GALNTL5: variants seen among roughly 807,000 people sequenced by gnomAD.
The protein encoded by GALNTL5 is polypeptide N-acetylgalactosaminyltransferase like 5.
Under a neutral mutation model 51.0 loss-of-function variants are expected in GALNTL5, and 44 were observed. That is an observed-to-expected ratio of 0.86 (90% CI 0.68 to 1.11). The LOEUF is 1.11. GALNTL5 is among the 50% of genes least tolerant of loss of function. The pLI is 0.00. For missense variants in GALNTL5, 528 were observed against 531.8 expected (o/e 0.99, Z 0.07); for synonymous variants, 192 against 182.8 (o/e 1.05, Z -0.41).
Position 151,967,372 on chromosome 7 carries a change from T to G in GALNTL5, c.126T>G (p.Pro42=). ...VSSWQKKSQE[P]LSAWSPGKKV... is the part of the protein sequence containing the mutation. ...GCTGGCAGAAGAAAAGCCAGGAGCCTCTGTCAGCTTGGTCCCCTGGAAAAA... is the reference window on the plus strand; with the variant it reads ...GCTGGCAGAAGAAAAGCCAGGAGCCGCTGTCAGCTTGGTCCCCTGGAAAAA... The change falls in exon 2 of 9, where the codon CCT becomes CCG. Residue 42 remains proline (P), a synonymous_variant. Coordinates refer to ENST00000392800, the MANE Select transcript of GALNTL5 (RefSeq NM_145292.4). 3 of 1,614,162 alleles carry G rather than the reference T, an allele frequency of 1.9e-6. No homozygotes were observed. The highest frequency in any genetic ancestry group is 2.5e-6 in the Non-Finnish European group (3 of 1,180,014).
At chr7:151,977,166 C>T (rs1468791241) in intron 3 of GALNTL5, among the ~76,000 whole-genome samples, 1 of 151,944 alleles carries the variant, frequency 6.6e-6, no homozygotes, top group East Asian at 1.9e-4. Context: ...ATTTTTTAAA[C>T]CAATATTTCA....
intron 3 of GALNTL5, among the ~76,000 whole-genome samples, chr7:151,973,064 G>A (rs992368712): frequency 2.0e-5 from 3 of 152,164 alleles, no homozygotes; most frequent in Non-Finnish European, 2.9e-5. Context: ...ACCCTGCAGA[G>A]CCACAGAAGC....
intron 5 of GALNTL5, among the ~76,000 whole-genome samples, chr7:151,988,336 C>G (rs1156408617): frequency 1.3e-5 from 2 of 152,190 alleles, no homozygotes; most frequent in Admixed American, 6.5e-5. Flanking sequence ...TACGATCACG[C>G]CTCCTGCCGC....
At chr7:151,982,769 A>T (rs2081308777) in intron 3 of GALNTL5, 11 of 956,748 alleles carry the variant, frequency 1.1e-5, no homozygotes, top group Non-Finnish European at 1.6e-5. Context: ...TATTACTGAC[A>T]TTAAGAAGGG....
At chr7:151,959,779 G>A (rs1368097822) in intron 1 of GALNTL5, among the ~76,000 whole-genome samples, 1 of 152,184 alleles carries the variant, frequency 6.6e-6, no homozygotes, top group Non-Finnish European at 1.5e-5. Flanking sequence ...GTGGCCAGGA[G>A]GGTACTGGGG....
intron 7 of GALNTL5, 54 bp downstream of exon 7, chr7:152,007,998 C>T: frequency 1.1e-6 from 1 of 950,072 alleles, no homozygotes; most frequent in East Asian, 2.4e-5. Context: ...CTAACTTTGT[C>T]ACATACAATG....
At chr7:152,008,250 A>C (rs1175416245) in intron 7 of GALNTL5, among the ~76,000 whole-genome samples, 1 of 100,988 alleles carries the variant, frequency 9.9e-6, no homozygotes, top group Non-Finnish European at 2.0e-5. Context: ...CCCCATCTCT[A>C]CTTTTTTTTT....
At position 151,986,802 on chromosome 7, in the gene GALNTL5, A is replaced by ACTGCAACCTCTGCCTCC. The variant is rs2081364328; in HGVS notation, c.536-355_536-339dup. On this transcript the variant is annotated intron_variant, in intron 4 of 8. Coordinates refer to ENST00000392800, the MANE Select transcript of GALNTL5 (RefSeq NM_145292.4). The stretch of plus-strand genomic sequence containing the variant: ...GAGTGCAATGGGGCCATCTCGGCTC[A>ACTGCAACCTCTGCCTCC]CTGCAACCTCTGCCTCCCGGGTTCA... Among the ~76,000 whole-genome samples the ACTGCAACCTCTGCCTCC allele has an allele frequency of 3.4e-5, 5 of 147,646 alleles. No homozygotes were observed. The South Asian group carries it at 1.1e-3, about 31-fold the overall frequency.
intron 3 of GALNTL5, among the ~76,000 whole-genome samples, chr7:151,979,898 A>G (rs549830814): frequency 6.6e-6 from 1 of 152,300 alleles, no homozygotes; most frequent in East Asian, 1.9e-4. Flanking sequence ...GAAGGGACGC[A>G]GTTTATTTCC....
intron 5 of GALNTL5, among the ~76,000 whole-genome samples, chr7:152,002,078 G>A (rs540583963): frequency 3.3e-5 from 5 of 152,162 alleles, no homozygotes; most frequent in South Asian, 2.1e-4. Flanking sequence ...TCAGGAGCTC[G>A]AGACCAGCCT....
rs762323427 is a variant in GALNTL5 at position 151,967,357 on chromosome 7, G to T, written c.111G>T (p.Lys37Asn). The T allele has an allele frequency of 6.2e-7, 1 of 1,614,168 alleles. No homozygotes were observed. The highest frequency in any genetic ancestry group is 1.3e-5 in the African/African-American group (1 of 75,050). Reference sequence around the variant, plus strand: ...ATAATCATGTGAGCAGCTGGCAGAAGAAAAGCCAGGAGCCTCTGTCAGCTT... The same window carrying T: ...ATAATCATGTGAGCAGCTGGCAGAATAAAAGCCAGGAGCCTCTGTCAGCTT... ...LHHNHVSSWQ[K>N]KSQEPLSAWS... Residue 37 changes from lysine (K) to asparagine (N), a missense_variant, in exon 2 of 9, where the codon AAG (lysine) becomes AAT (asparagine). Lys to Asn is a moderately conservative substitution (Grantham distance 94). Transcript: ENST00000392800.
In GALNTL5 at chr7:152,002,941, G is replaced by T; in HGVS notation, c.886G>T (p.Glu296Ter). 1 of 1,614,082 alleles carries T rather than the reference G, an allele frequency of 6.2e-7. No individual in the cohort carries two copies. Among genetic ancestry groups the T allele is most frequent in the East Asian group, 2.2e-5 (1 of 44,886 alleles). Residue 296 changes from glutamate (E) to a stop codon, truncating the protein, a stop_gained, in exon 6 of 9, where the codon GAA becomes TAA. Transcript: ENST00000392800. LOFTEE classifies it high-confidence loss of function. ...NVFSYEMDGP[E>*]GSTKPIRSPA... The stretch of plus-strand genomic sequence containing the variant: ...TTTCTCTTATGAGATGGATGGACCA[G>T]AAGGATCTACTAAACCAATCCGGTG...
At chr7:151,996,897 T>C (rs2081507618) in intron 5 of GALNTL5, among the ~76,000 whole-genome samples, 1 of 152,068 alleles carries the variant, frequency 6.6e-6, no homozygotes, top group Non-Finnish European at 1.5e-5. Flanking sequence ...TATAATGAGT[T>C]ACGTTTAAGG....
At chr7:152,001,344 C>T (rs917335469) in intron 5 of GALNTL5, among the ~76,000 whole-genome samples, 1 of 152,010 alleles carries the variant, frequency 6.6e-6, no homozygotes, top group Non-Finnish European at 1.5e-5. Flanking sequence ...CATTGCCTCA[C>T]CTAAGGTCAT....
chr7:152,003,265 G>A (rs2081605461), intron 6 of GALNTL5, among the ~76,000 whole-genome samples: 1 of 152,224 alleles, frequency 6.6e-6, no homozygotes, highest in Non-Finnish European at 1.5e-5. Context: ...TTGACTAAAA[G>A]CTCAAGTCAA....
At chr7:151,973,647 A>G (rs187472152) in intron 3 of GALNTL5, among the ~76,000 whole-genome samples, 8 of 152,308 alleles carry the variant, frequency 5.3e-5, no homozygotes, top group Non-Finnish European at 5.9e-5. Context: ...TTATAGGTTC[A>G]TAGGAGGAAG....
chr7:151,963,970 G>A lies in GALNTL5; in HGVS notation c.-39-3238G>A, dbSNP rs142932782. Among the ~76,000 whole-genome samples, 539 of 152,182 alleles carry A rather than the reference G, an allele frequency of 3.5e-3. 6 individuals carry two copies. Among genetic ancestry groups the A allele is most frequent in the African/African-American group, 0.012 (514 of 41,500 alleles). ...CTTGGCAGCTGTAGGAGTCAGCTCCGGCTGCCATAACCAAGTCCAACAGAC... is the reference window on the plus strand; with the variant it reads ...CTTGGCAGCTGTAGGAGTCAGCTCCAGCTGCCATAACCAAGTCCAACAGAC... On this transcript the variant is annotated intron_variant, in intron 1 of 8. Transcript: ENST00000392800.
At chr7:151,957,548 C>CAAA (rs3037148) in intron 1 of GALNTL5, among the ~76,000 whole-genome samples, 36 of 111,230 alleles carry the variant, frequency 3.2e-4, no homozygotes, top group East Asian at 8.4e-4. Context: ...GACCCTGTCT[C>CAAA]AAAAAAAAAA....
chr7:151,985,234 G>C (rs139454762), intron 4 of GALNTL5, among the ~76,000 whole-genome samples: 1 of 152,138 alleles, frequency 6.6e-6, no homozygotes, highest in Non-Finnish European at 1.5e-5. Flanking sequence ...CATACCGGCC[G>C]TAAGATCTGT....
Sources: gnomAD v4.1 joint callset for allele counts (sites outside exome capture counted in the v4.1 genomes callset) on GRCh38, gnomAD v4.1.1 for gene constraint, MANE v1.5 for transcripts, NCBI Gene and HGNC (gene_info 2026-07-23, HGNC 2026-07-21) for gene names.